CIT: variants seen among roughly 807,000 people sequenced by gnomAD.
CIT encodes the protein citron rho-interacting serine/threonine kinase, also known as citron Rho-interacting kinase.
A neutral mutation model predicts 272.7 loss-of-function variants in CIT; 79 were observed. The ratio of observed to expected loss-of-function variants is 0.29; its 90% CI spans 0.24 to 0.35. The LOEUF (loss-of-function observed/expected upper bound fraction) is 0.35, where lower values mean the gene tolerates loss of function less well. Among genes scored for constraint, CIT ranks in the 10% least tolerant of loss-of-function variants. The pLI is 1.00. For synonymous variants in CIT, 948 were observed against 995.6 expected (o/e 0.95, Z 0.90); for missense variants, 1,909 against 2,618.3 (o/e 0.73, Z 5.91).
chr12:119,851,280 G>A (rs1473594936), intron 4 of CIT, among the ~76,000 whole-genome samples: 2 of 152,198 alleles, frequency 1.3e-5, no homozygotes, highest in African/African-American at 2.4e-5. Context: ...GTGTGTGTGT[G>A]AGTGCACGCA....
chr12:119,868,732 T>G (rs1199194806), intron 3 of CIT, among the ~76,000 whole-genome samples: 1 of 152,116 alleles, frequency 6.6e-6, no homozygotes, highest in East Asian at 1.9e-4. Context: ...GAGATGGGGT[T>G]TCACCATGTT....
intron 23 of CIT, among the ~76,000 whole-genome samples, chr12:119,744,793 A>C (rs530973510): frequency 8.3e-4 from 126 of 151,474 alleles, no homozygotes; most frequent in African/African-American, 2.8e-3. Context: ...TAATATGTCT[A>C]TTTTTCCATA....
chr12:119,833,807 T>C lies in CIT; in HGVS notation c.659+279A>G, dbSNP rs280588. On this transcript the variant is annotated intron_variant, in intron 6 of 47. Coordinates refer to ENST00000392521, the MANE Select transcript of CIT (RefSeq NM_001206999.2). ...TCTTCTATCATATAACCCAAAGAAC[T>C]CATGCAAGAGTTCCCAGTCTTATTT... 0.63 allele frequency among the ~76,000 whole-genome samples: 96,258 copies of C among 152,006 alleles called. 31,004 individuals are homozygous for C. The highest frequency in any genetic ancestry group is 0.84 in the East Asian group (4,378 of 5,190).
chr12:119,766,992 G>T (rs1714201387), intron 19 of CIT, 95 bp downstream of exon 19: 2 of 735,976 alleles, frequency 2.7e-6, no homozygotes, highest in Non-Finnish European at 4.2e-6. Context: ...ACAGTACTTT[G>T]GTCCAGCAAG....
intron 30 of CIT, chr12:119,719,083 G>T (rs1219073590): frequency 2.0e-6 from 1 of 509,876 alleles, no homozygotes. Context: ...TCACCAAGAG[G>T]ATTAAAGATG....
intron 7 of CIT, among the ~76,000 whole-genome samples, chr12:119,825,986 T>C (rs944096700): frequency 6.6e-6 from 1 of 152,120 alleles, no homozygotes; most frequent in Non-Finnish European, 1.5e-5. Context: ...AAGAATCGCT[T>C]GAACCTGGGA....
chr12:119,778,100 AAG>A (rs1963949865), intron 13 of CIT, among the ~76,000 whole-genome samples: 1 of 152,222 alleles, frequency 6.6e-6, no homozygotes, highest in African/African-American at 2.4e-5. Context: ...TGAAATCTGG[AAG>A]AGTCACAAAA....
intron 20 of CIT, among the ~76,000 whole-genome samples, chr12:119,759,423 G>T (rs1402200898): frequency 1.3e-5 from 2 of 152,100 alleles, no homozygotes; most frequent in African/African-American, 2.4e-5. Flanking sequence ...AGGCAGGTGG[G>T]TCACCTGAGG....
intron 10 of CIT, among the ~76,000 whole-genome samples, chr12:119,801,939 A>C (rs1171641074): frequency 6.6e-6 from 1 of 152,100 alleles, no homozygotes; most frequent in East Asian, 1.9e-4. Context: ...TTGCAACATA[A>C]AAACCTCCCT....
Position 119,869,094 on chromosome 12 carries a change from C to T in CIT, c.204G>A (p.Met68Ile). 6.2e-7 allele frequency: 1 copy of T among 1,612,288 alleles called. No individual in the cohort carries two copies. The highest frequency in any genetic ancestry group is 8.5e-7 in the Non-Finnish European group (1 of 1,179,532). The change falls in exon 3 of 48, where the codon ATG becomes ATA. Residue 68 changes from methionine to isoleucine, a missense_variant. By Grantham distance (10) the Met-to-Ile change is conservative. Coordinates refer to ENST00000392521, the MANE Select transcript of CIT (RefSeq NM_001206999.2). ...CAAAGTTGCTCACGTGCTTAATCTT[C>T]ATCAGAGCAGGCTGACTGCATTCTT... ...LFEECSQPAL[M>I]KIKHVSNFVR...
At chr12:119,722,420 A>G (rs1331744895) in intron 28 of CIT, among the ~76,000 whole-genome samples, 1 of 152,150 alleles carries the variant, frequency 6.6e-6, no homozygotes, top group Non-Finnish European at 1.5e-5. Context: ...AAACTCCTCC[A>G]TCCCAGCAGG....
In CIT at chr12:119,721,074, C is replaced by T. The variant is rs559094655; in HGVS notation, c.3732+235G>A. On this transcript the variant is annotated intron_variant, in intron 29 of 47. Transcript: ENST00000392521. ...CTCCACCTCCCGGGTTCAAGCCATT[C>T]TCCTTCCTCAGTCTCCCGAGTAGCT... Among the ~76,000 whole-genome samples, 5 of 152,322 alleles carry T rather than the reference C, an allele frequency of 3.3e-5. No individual in the cohort carries two copies. In the East Asian group the frequency reaches 9.6e-4, roughly 29 times the overall value.
At chr12:119,700,689 T>C (rs1956509219) in intron 44 of CIT, 56 bp downstream of exon 44, 1 of 1,462,808 alleles carries the variant, frequency 6.8e-7, no homozygotes, top group Non-Finnish European at 9.6e-7. Flanking sequence ...ATGCAATTCT[T>C]TTCCAGGACA....
chr12:119,817,340 T>C (rs1967282057), intron 9 of CIT, among the ~76,000 whole-genome samples: 1 of 151,858 alleles, frequency 6.6e-6, no homozygotes, highest in South Asian at 2.1e-4. Context: ...TAAAACCCTG[T>C]CTCTACTAAA....
intron 10 of CIT, among the ~76,000 whole-genome samples, chr12:119,789,289 C>A (rs751183927): frequency 5.3e-5 from 8 of 152,148 alleles, no homozygotes; most frequent in Non-Finnish European, 1.2e-4. Context: ...CATTGTATGA[C>A]CATCCCCAGC....
At chr12:119,719,246 T>C (rs1312019900) in intron 30 of CIT, among the ~76,000 whole-genome samples, 1 of 151,978 alleles carries the variant, frequency 6.6e-6, no homozygotes, top group Admixed American at 6.6e-5. Flanking sequence ...ATATGTCTCA[T>C]GATGCTCAGT....
intron 32 of CIT, among the ~76,000 whole-genome samples, chr12:119,716,416 T>TAAAAAAAAAAAAAAAAAA (rs1481968570): frequency 2.8e-5 from 2 of 70,556 alleles, no homozygotes; most frequent in African/African-American, 1.1e-4. Flanking sequence ...AAAAAAAAAG[T>TAAAAAAAAAAAAAAAAAA]AAAGCTCTTT....
intron 28 of CIT, among the ~76,000 whole-genome samples, chr12:119,722,442 T>C (rs1565941665): frequency 6.6e-6 from 1 of 152,172 alleles, no homozygotes; most frequent in Non-Finnish European, 1.5e-5. Flanking sequence ...CCAGAGCCAC[T>C]GATAATCTCA....
chr12:119,731,841 CT>C lies in CIT; in HGVS notation c.3351-1212del, dbSNP rs1344053078. On this transcript the variant is annotated intron_variant, in intron 26 of 47. Transcript: ENST00000392521. ...ATATATATATATATATATATATATA[CT>C]TTTTTTTTTTTGAGATGGAGTCCCA... Among the ~76,000 whole-genome samples the C allele has an allele frequency of 3.5e-3, 344 of 98,556 alleles. 5 individuals are homozygous for C. The highest frequency in any genetic ancestry group is 0.011 in the African/African-American group (268 of 23,858). 64.7% of individuals were successfully genotyped at this position (98,556 alleles called of 152,430 possible). A position where few individuals can be genotyped will look rare whatever the true frequency, so the allele number is the denominator to read the frequency against.
Sources: gnomAD v4.1 joint callset for allele counts (sites outside exome capture counted in the v4.1 genomes callset) on GRCh38, gnomAD v4.1.1 for gene constraint, MANE v1.5 for transcripts, NCBI Gene and HGNC (gene_info 2026-07-23, HGNC 2026-07-21) for gene names.